Variants in CAMTA1 observed in about 807,000 individuals in gnomAD.
CAMTA1 encodes the protein calmodulin-binding transcription activator 1.
Under a neutral mutation model 170.9 loss-of-function variants are expected in CAMTA1, and 27 were observed. The observed-to-expected ratio is 0.16, with a 90% CI of 0.12 to 0.22. The LOEUF (loss-of-function observed/expected upper bound fraction) is 0.22, where lower values mean the gene tolerates loss of function less well. CAMTA1 is among the 10% of genes least tolerant of loss of function. The pLI is 1.00. For missense variants in CAMTA1, 1,619 were observed against 2,217.2 expected (o/e 0.73, Z 5.42); for synonymous variants, 833 against 891.5 (o/e 0.93, Z 1.17).
chr1:6,794,891 T>G (rs1557559745), intron 1 of CAMTA1, among the ~76,000 whole-genome samples: 2 of 130,794 alleles, frequency 1.5e-5, no homozygotes, highest in African/African-American at 3.6e-5. Context: ...TTTTTTTTTG[T>G]TTTTTTTGTT....
chr1:7,247,218 A>G (rs955559543), intron 4 of CAMTA1, among the ~76,000 whole-genome samples: 2 of 152,230 alleles, frequency 1.3e-5, no homozygotes, highest in African/African-American at 2.4e-5. Context: ...GTGGGATTGT[A>G]TCCTGCTGAA....
intron 3 of CAMTA1, among the ~76,000 whole-genome samples, chr1:7,083,008 A>G (rs993905787): frequency 1.3e-5 from 2 of 152,204 alleles, no homozygotes; most frequent in Non-Finnish European, 2.9e-5. Context: ...GTGCTCAATA[A>G]TTCATCGAAT....
Position 7,736,209 on chromosome 1 carries a change from T to G in CAMTA1, c.3067-135T>G. The G allele has an allele frequency of 1.3e-6, 1 of 799,346 alleles. No homozygotes were observed. The highest frequency in any genetic ancestry group is 2.0e-6 in the Non-Finnish European group (1 of 505,304). The allele number at this position is 799,346 out of a possible 1,614,324, so 49.5% of individuals were successfully genotyped here. ...CATGATCCAGCATGCCCAGCCAATG[T>G]TTCTTTATTTTCAGTGTTTTATGTT... On this transcript the variant is annotated intron_variant, in intron 12 of 22. Transcript: ENST00000303635. The surrounding 1 kb of genome is among the most constrained non-coding windows in gnomAD (Gnocchi z 4.5).
intron 6 of CAMTA1, among the ~76,000 whole-genome samples, chr1:7,504,238 C>T (rs1017523466): frequency 3.3e-5 from 5 of 152,180 alleles, no homozygotes; most frequent in African/African-American, 1.2e-4. Flanking sequence ...CAGGAGGTCT[C>T]AGGTGACAAC....
intron 3 of CAMTA1, among the ~76,000 whole-genome samples, chr1:7,080,597 C>T (rs552567296): frequency 2.6e-5 from 4 of 152,176 alleles, no homozygotes; most frequent in South Asian, 2.1e-4. Context: ...TGTAATGGCA[C>T]GATCTTGGCT....
rs558727188 is a variant in CAMTA1 at position 7,067,231 on chromosome 1, C to G, written c.235-24073C>G. On this transcript the variant is annotated intron_variant, in intron 3 of 22. Transcript: ENST00000303635. This position sits in a 1 kb window ranked among gnomAD's most constrained non-coding sequence, Gnocchi z 4.3. ...CATGGAAAAGGTGGAAGAGTTATCT[C>G]TGCTTCCTAGGGACGAAGGCCTCTC... Among the ~76,000 whole-genome samples the G allele has an allele frequency of 2.0e-4, 31 of 152,322 alleles. No homozygotes were observed. Among genetic ancestry groups the G allele is most frequent in the African/African-American group, 7.0e-4 (29 of 41,568 alleles).
At chr1:6,897,952 G>C (rs1183818863) in intron 3 of CAMTA1, among the ~76,000 whole-genome samples, 1 of 152,032 alleles carries the variant, frequency 6.6e-6, no homozygotes, top group Non-Finnish European at 1.5e-5. Flanking sequence ...AGAAATTTCT[G>C]GCTAGCCACC....
Position 6,887,793 on chromosome 1 carries a change from C to G in CAMTA1, c.234+62583C>G. 1 of 1,523,836 alleles carries G rather than the reference C, an allele frequency of 6.6e-7. No homozygotes were observed. The highest frequency in any genetic ancestry group is 1.2e-5 in the South Asian group (1 of 82,306). 94.4% of individuals were successfully genotyped at this position (1,523,836 alleles called of 1,614,324 possible). A position where few individuals can be genotyped will look rare whatever the true frequency, so the allele number is the denominator to read the frequency against. On this transcript the variant is annotated intron_variant, in intron 3 of 22. Coordinates refer to ENST00000303635, the MANE Select transcript of CAMTA1 (RefSeq NM_015215.4). This position sits in a 1 kb window ranked among gnomAD's most constrained non-coding sequence, Gnocchi z 4.1. ...CCCATCCTGCCAGCCCCATGTCTGGCTTTAAGACAGTTCTATTAGTGAATT... is the reference window on the plus strand; with the variant it reads ...CCCATCCTGCCAGCCCCATGTCTGGGTTTAAGACAGTTCTATTAGTGAATT...
intron 3 of CAMTA1, among the ~76,000 whole-genome samples, chr1:6,835,491 C>A: frequency 6.6e-6 from 1 of 152,200 alleles, no homozygotes; most frequent in East Asian, 1.9e-4. Context: ...TAGGCTTGAG[C>A]TGGAGTCAGA....
In CAMTA1 at chr1:7,286,259, G is replaced by A. The variant is rs1280307747; in HGVS notation, c.438+36633G>A. Reference sequence around the variant, plus strand: ...GGTCAGGCAGAGATGGGCATCTGGTGGAGTTGATGGCACAGGTGGAGGGGC... The same window carrying A: ...GGTCAGGCAGAGATGGGCATCTGGTAGAGTTGATGGCACAGGTGGAGGGGC... On this transcript the variant is annotated intron_variant, in intron 5 of 22. Transcript: ENST00000303635. The surrounding 1 kb of genome is among the most constrained non-coding windows in gnomAD (Gnocchi z 4.2). Among the ~76,000 whole-genome samples, 4 of 152,196 alleles carry A rather than the reference G, an allele frequency of 2.6e-5. No homozygotes were observed. Among genetic ancestry groups the A allele is most frequent in the Non-Finnish European group, 4.4e-5 (3 of 68,036 alleles).
intron 5 of CAMTA1, among the ~76,000 whole-genome samples, chr1:7,407,811 C>A (rs2090408286): frequency 2.0e-5 from 3 of 152,046 alleles, no homozygotes; most frequent in African/African-American, 7.2e-5. Flanking sequence ...TGACCAAGGC[C>A]ATCGCAGGGC....
intron 11 of CAMTA1, among the ~76,000 whole-genome samples, chr1:7,684,802 G>T (rs2096244198): frequency 6.6e-6 from 1 of 152,150 alleles, no homozygotes; most frequent in Admixed American, 6.5e-5. Flanking sequence ...TCAATGCAGG[G>T]CTCCATATCT....
At chr1:7,677,805 G>C (rs1473635515) in intron 11 of CAMTA1, 72 bp downstream of exon 11, 8 of 1,533,198 alleles carry the variant, frequency 5.2e-6, no homozygotes, top group Middle Eastern at 1.7e-4. Flanking sequence ...TGCACAAGGT[G>C]TGAAAGAAGA....
At chr1:7,355,234 A>T (rs1183726593) in intron 5 of CAMTA1, among the ~76,000 whole-genome samples, 1 of 150,006 alleles carries the variant, frequency 6.7e-6, no homozygotes, top group Non-Finnish European at 1.5e-5. Context: ...GAAAGAAAAA[A>T]TTAGCCAGGC....
At chr1:7,733,610 G>A (rs2096749777) in intron 12 of CAMTA1, among the ~76,000 whole-genome samples, 1 of 151,992 alleles carries the variant, frequency 6.6e-6, no homozygotes, top group Admixed American at 6.6e-5. Context: ...TTTCTCAGGG[G>A]ACCCTAGAGA....
intron 5 of CAMTA1, among the ~76,000 whole-genome samples, chr1:7,345,234 A>G (rs1043429015): frequency 6.6e-6 from 1 of 152,206 alleles, no homozygotes; most frequent in African/African-American, 2.4e-5. Flanking sequence ...CTTTTAATAC[A>G]GTCAGTGTTC....
At position 6,934,690 on chromosome 1, in the gene CAMTA1, C is replaced by T. The variant is rs906652264; in HGVS notation, c.234+109480C>T. Among the ~76,000 whole-genome samples, 2 of 152,142 alleles carry T rather than the reference C, an allele frequency of 1.3e-5. No homozygotes were observed. Among genetic ancestry groups the T allele is most frequent in the Non-Finnish European group, 2.9e-5 (2 of 68,032 alleles). Reference sequence around the variant, plus strand: ...CCTCCCTTCACCACCACCCCCTCCCCTCTCTCCCCTCTTATGCCCGCACCA... The same window carrying T: ...CCTCCCTTCACCACCACCCCCTCCCTTCTCTCCCCTCTTATGCCCGCACCA... On this transcript the variant is annotated intron_variant, in intron 3 of 22. Transcript: ENST00000303635. This position sits in a 1 kb window ranked among gnomAD's most constrained non-coding sequence, Gnocchi z 4.5.
intron 3 of CAMTA1, among the ~76,000 whole-genome samples, chr1:7,057,216 C>A (rs1023738412): frequency 1.3e-5 from 2 of 152,192 alleles, no homozygotes; most frequent in Non-Finnish European, 2.9e-5. Flanking sequence ...AATCCTATCT[C>A]CAGTTTTGCC....
At chr1:7,259,507 A>C (rs1366011972) in intron 5 of CAMTA1, among the ~76,000 whole-genome samples, 3 of 152,196 alleles carry the variant, frequency 2.0e-5, no homozygotes, top group Non-Finnish European at 2.9e-5. Context: ...GTTCACACAC[A>C]CTTTAATTTG....
Sources: gnomAD v4.1 joint callset for allele counts (sites outside exome capture counted in the v4.1 genomes callset) on GRCh38, gnomAD v4.1.1 for gene constraint, Gnocchi (gnomAD v3.1) non-coding constraint, MANE v1.5 for transcripts, NCBI Gene and HGNC (gene_info 2026-07-23, HGNC 2026-07-21) for gene names.